The following GDAP1 variants were observed in gnomAD, a reference collection of about 807,000 sequenced individuals.
GDAP1 encodes ganglioside induced differentiation associated protein 1, also known as ganglioside-induced differentiation-associated protein 1.
A neutral mutation model predicts 40.1 loss-of-function variants in GDAP1; 34 were observed. The observed-to-expected ratio is 0.85, with a 90% CI of 0.64 to 1.13. The LOEUF (loss-of-function observed/expected upper bound fraction) is 1.13. Among genes scored for constraint, GDAP1 ranks in the 50% most tolerant of loss-of-function variants. The pLI is 0.00. For synonymous variants in GDAP1, 170 were observed against 157.4 expected, an observed-to-expected ratio of 1.08 and a Z score of -0.60; for missense variants, 374 against 433.7, an observed-to-expected ratio of 0.86 and a Z score of 1.22.
intron 2 of GDAP1, among the ~76,000 whole-genome samples, chr8:74,359,409 G>A (rs891874007): frequency 4.6e-5 from 7 of 152,208 alleles, no homozygotes; most frequent in Non-Finnish European, 1.0e-4. Context: ...GGACTCTACA[G>A]TTTGGATTTT....
At position 74,361,886 on chromosome 8, in the gene GDAP1, C is replaced by A; in HGVS notation, c.487C>A (p.Gln163Lys). ...PAYATTRIRS[Q>K]IGNTESELKK... ...TTCCAAAATGTTTTTATTATCAGGC[C>A]AAATTGGAAACACAGAGTCTGAGCT... The change falls in exon 4 of 6, where the codon CAA becomes AAA. Residue 163 changes from glutamine (Q) to lysine (K), a missense_variant and splice_region_variant. Gln to Lys is a moderately conservative substitution (Grantham distance 53). Transcript: ENST00000220822. 1 of 1,570,942 alleles carries A rather than the reference C, an allele frequency of 6.4e-7. No homozygotes were observed. The highest frequency in any genetic ancestry group is 8.8e-7 in the Non-Finnish European group (1 of 1,140,360).
chr8:74,364,187 A>G lies in GDAP1; in HGVS notation c.897A>G (p.Ile299Met), dbSNP rs778192707. Reference protein sequence around the residue: ...FNKVLGHVNNILISAVLPTAF... With the variant: ...FNKVLGHVNNMLISAVLPTAF... ...AGGTTTTAGGACATGTCAACAATAT[A>G]TTAATCTCTGCAGTGCTGCCAACAG... The change falls in exon 6 of 6, where the codon ATA becomes ATG. Residue 299 changes from isoleucine (I) to methionine (M), a missense_variant. Coordinates refer to ENST00000220822, the MANE Select transcript of GDAP1 (RefSeq NM_018972.4). 1.2e-6 allele frequency: 2 copies of G among 1,614,152 alleles called. No homozygotes were observed. The highest frequency in any genetic ancestry group is 2.2e-5 in the South Asian group (2 of 91,082).
intron 2 of GDAP1, among the ~76,000 whole-genome samples, chr8:74,438,777 T>A (rs1172387810): frequency 6.6e-6 from 1 of 152,148 alleles, no homozygotes; most frequent in Non-Finnish European, 1.5e-5. Context: ...ATTATTGTTA[T>A]TTTTGTAGAG....
chr8:74,483,972 G>A (rs1055322243), intron 2 of GDAP1, among the ~76,000 whole-genome samples: 1 of 152,168 alleles, frequency 6.6e-6, no homozygotes, highest in Non-Finnish European at 1.5e-5. Flanking sequence ...ATAGTGAGGA[G>A]TACATGACTT....
intron 2 of GDAP1, among the ~76,000 whole-genome samples, chr8:74,421,869 C>G (rs1270295260): frequency 6.6e-6 from 1 of 152,110 alleles, no homozygotes; most frequent in African/African-American, 2.4e-5. Context: ...TTAAACATGG[C>G]TTTTTTGGAT....
intron 2 of GDAP1, among the ~76,000 whole-genome samples, chr8:74,439,712 C>T (rs1806137844): frequency 6.6e-6 from 1 of 151,560 alleles, no homozygotes; most frequent in African/African-American, 2.4e-5. Flanking sequence ...ATGAAAAATT[C>T]TACCCATTAT....
intron 2 of GDAP1, among the ~76,000 whole-genome samples, chr8:74,420,796 A>G (rs1586829312): frequency 6.7e-6 from 1 of 148,826 alleles, no homozygotes; most frequent in Non-Finnish European, 1.5e-5. Context: ...ACACTGTGGT[A>G]TACTGATTCC....
chr8:74,371,983 T>C (rs1009325200), intron 2 of GDAP1, among the ~76,000 whole-genome samples: 2 of 151,150 alleles, frequency 1.3e-5, no homozygotes, highest in Admixed American at 1.3e-4. Context: ...GTGTTCTTAT[T>C]GTTCAATTCC....
chr8:74,430,196 A>T (rs960217959), intron 2 of GDAP1, among the ~76,000 whole-genome samples: 1 of 152,258 alleles, frequency 6.6e-6, no homozygotes, highest in Non-Finnish European at 1.5e-5. Flanking sequence ...TAGTTGGAGA[A>T]GCTGAAGGGC....
Position 74,361,693 on chromosome 8 carries a change from C to G in GDAP1, c.485-191C>G, listed in dbSNP as rs566597093. Among the ~76,000 whole-genome samples, 4 of 152,300 alleles carry G rather than the reference C, an allele frequency of 2.6e-5. No individual in the cohort carries two copies. In the South Asian group the frequency reaches 8.3e-4, roughly 32 times the overall value. ...TACAGGTGTGAGCCACCGCGCCCAG[C>G]CGGCAGATACTCTTATGGTTCCATT... On this transcript the variant is annotated intron_variant, in intron 3 of 5. Transcript: ENST00000220822.
chr8:74,366,870 A>C lies in GDAP1; in HGVS notation c.*2503A>C. 1 of 423,688 alleles carries C rather than the reference A, an allele frequency of 2.4e-6. No homozygotes were observed. Among genetic ancestry groups the C allele is most frequent in the South Asian group, 1.7e-5 (1 of 57,948 alleles). 26.2% of individuals were successfully genotyped at this position (423,688 alleles called of 1,614,324 possible). Reference sequence around the variant, plus strand: ...AATTGGAAAATAAATATGAACCCTAAAACAAAGTACTCACTTTGTAATCTT... The same window carrying C: ...AATTGGAAAATAAATATGAACCCTACAACAAAGTACTCACTTTGTAATCTT... On this transcript the variant is annotated 3_prime_UTR_variant, in exon 6 of 6. Coordinates refer to ENST00000220822, the MANE Select transcript of GDAP1 (RefSeq NM_018972.4).
At chr8:74,373,526 A>G (rs938759292) in intron 2 of GDAP1, among the ~76,000 whole-genome samples, 1 of 152,156 alleles carries the variant, frequency 6.6e-6, no homozygotes, top group Non-Finnish European at 1.5e-5. Context: ...GCAATTGTGA[A>G]TGGGAGTTCA....
intron 2 of GDAP1, among the ~76,000 whole-genome samples, chr8:74,380,564 A>G (rs878931958): frequency 1.3e-5 from 2 of 151,334 alleles, no homozygotes; most frequent in Non-Finnish European, 1.5e-5. Context: ...ATTCCTTTAT[A>G]TATGCAAAAT....
At chr8:74,435,894 A>G (rs1806082729) in intron 2 of GDAP1, among the ~76,000 whole-genome samples, 1 of 152,232 alleles carries the variant, frequency 6.6e-6, no homozygotes, top group Non-Finnish European at 1.5e-5. Context: ...AATGGGAGAA[A>G]GTACTCCAAC....
intron 2 of GDAP1, among the ~76,000 whole-genome samples, chr8:74,438,836 A>G (rs1299857032): frequency 6.6e-6 from 1 of 152,206 alleles, no homozygotes; most frequent in Non-Finnish European, 1.5e-5. Flanking sequence ...TCCTGGCCTC[A>G]AGTAATGCTC....
chr8:74,469,304 T>C (rs1437051768), intron 2 of GDAP1, among the ~76,000 whole-genome samples: 1 of 152,228 alleles, frequency 6.6e-6, no homozygotes, highest in African/African-American at 2.4e-5. Flanking sequence ...TTTTCCTTTT[T>C]AATGCTCTGA....
At chr8:74,403,053 T>C (rs1028717326) in intron 2 of GDAP1, among the ~76,000 whole-genome samples, 1 of 150,272 alleles carries the variant, frequency 6.7e-6, no homozygotes, top group East Asian at 1.9e-4. Context: ...ATGGACATTT[T>C]CATTACAAAC....
chr8:74,449,346 C>T (rs1376755353), intron 2 of GDAP1, among the ~76,000 whole-genome samples: 1 of 151,768 alleles, frequency 6.6e-6, no homozygotes. Context: ...ATATAATTCT[C>T]ATTGTCAGTT....
chr8:74,447,761 CCTT>C (rs1806250592), intron 2 of GDAP1, among the ~76,000 whole-genome samples: 1 of 152,124 alleles, frequency 6.6e-6, no homozygotes, highest in East Asian at 1.9e-4. Context: ...GTTAGTGACT[CCTT>C]AGCTTTCTGG....
Sources: gnomAD v4.1 joint callset for allele counts (sites outside exome capture counted in the v4.1 genomes callset) on GRCh38, gnomAD v4.1.1 for gene constraint, MANE v1.5 for transcripts, NCBI Gene and HGNC (gene_info 2026-07-23, HGNC 2026-07-21) for gene names.